IGFN1: variants seen among roughly 807,000 people sequenced by gnomAD.
IGFN1 encodes the protein immunoglobulin-like and fibronectin type III domain-containing protein 1.
In IGFN1, 253 loss-of-function variants were observed where a neutral mutation model predicts 289.5. The ratio of observed to expected loss-of-function variants is 0.87; its 90% CI spans 0.79 to 0.97. The LOEUF is 0.97. Ranked by LOEUF, IGFN1 falls within the 50% of genes least tolerant of loss-of-function variation. The probability of loss-of-function intolerance (pLI) is 0.00; values close to 1 mark genes in which losing one functional copy is unlikely to be tolerated. For synonymous variants in IGFN1, 1,706 were observed against 1,788.5 expected (o/e 0.95, Z 1.16); for missense variants, 4,470 against 4,686.1 (o/e 0.95, Z 1.35).
chr1:201,200,421 C>T lies in IGFN1; in HGVS notation c.633+10C>T. On this transcript the variant is annotated intron_variant, in intron 8 of 23. Transcript: ENST00000335211. ...GGACAAGATGGCACAGGTGCCTCACCCCATTCCCACCCCTCACTCCATGCC... is the reference window on the plus strand; with the variant it reads ...GGACAAGATGGCACAGGTGCCTCACTCCATTCCCACCCCTCACTCCATGCC... 6.5e-7 allele frequency: 1 copy of T among 1,547,728 alleles called. No homozygotes were observed. Among genetic ancestry groups the T allele is most frequent in the African/African-American group, 1.4e-5 (1 of 73,104 alleles).
chr1:201,228,533 C>T lies in IGFN1; in HGVS notation c.*134C>T, dbSNP rs151162050. ...AAAATGGGAGTGAGAAGATGCCTGG[C>T]GAGGTTTTGGCCAGGAGGACGTGAA... On this transcript the variant is annotated 3_prime_UTR_variant, in exon 24 of 24. Coordinates refer to ENST00000335211, the MANE Select transcript of IGFN1 (RefSeq NM_001164586.2). The T allele has an allele frequency of 2.2e-5, 22 of 1,008,702 alleles. No individual in the cohort carries two copies. The highest frequency in any genetic ancestry group is 6.5e-5 in the South Asian group (5 of 76,750). The allele number at this position is 1,008,702 out of a possible 1,614,324, so 62.5% of individuals were successfully genotyped here.
Position 201,228,653 on chromosome 1 carries a change from CACCATATGG to C in IGFN1, c.*255_*263del. ...AATGACAGCGAACCTCCTGGACCCT[CACCATATGG>C]GTTTCTTTCTTCTTCGCTTCAGGAG... On this transcript the variant is annotated 3_prime_UTR_variant, in exon 24 of 24. Coordinates refer to ENST00000335211, the MANE Select transcript of IGFN1 (RefSeq NM_001164586.2). 2 of 566,560 alleles carry C rather than the reference CACCATATGG, an allele frequency of 3.5e-6. No homozygotes were observed. Among genetic ancestry groups the C allele is most frequent in the Non-Finnish European group, 6.3e-6 (2 of 316,796 alleles). 35.1% of individuals were successfully genotyped at this position (566,560 alleles called of 1,614,324 possible). A position where few individuals can be genotyped will look rare whatever the true frequency, so the allele number is the denominator to read the frequency against.
At position 201,209,054 on chromosome 1, in the gene IGFN1, A is replaced by G. The variant is rs767088067; in HGVS notation, c.4161A>G (p.Gly1387=). The G allele has an allele frequency of 1.3e-4, 203 of 1,536,294 alleles. No individual in the cohort carries two copies. The highest frequency in any genetic ancestry group is 6.5e-5 in the Non-Finnish European group (75 of 1,146,770). The change falls in exon 12 of 24, where the codon GGA becomes GGG. Residue 1387 remains glycine (G), a synonymous_variant. Coordinates refer to ENST00000335211, the MANE Select transcript of IGFN1 (RefSeq NM_001164586.2). ...DNRKDLGVPE[G]MGAGYRAGLR... Reference sequence around the variant, plus strand: ...GGAAAGATTTGGGGGTTCCTGAGGGAATGGGTGCAGGTTACAGGGCTGGTT... The same window carrying G: ...GGAAAGATTTGGGGGTTCCTGAGGGGATGGGTGCAGGTTACAGGGCTGGTT...
chr1:201,212,758 G>T lies in IGFN1; in HGVS notation c.7865G>T (p.Ser2622Ile), dbSNP rs1357142251. Residue 2622 changes from serine (S) to isoleucine (I), a missense_variant, in exon 12 of 24, where the codon AGC becomes ATC. This residue lies in a region of IGFN1 where 2,218 missense variants were observed against 2,114.1 expected (regional missense o/e 1.05). Coordinates refer to ENST00000335211, the MANE Select transcript of IGFN1 (RefSeq NM_001164586.2). ...GGGCCTGCTGATAGACAAGGGACGA[G>T]CAATGCTTGGGCTCCTGATTGGGAA... The part of the protein sequence containing the change: ...TSGPADRQGT[S>I]NAWAPDWENQ... 3 of 1,551,584 alleles carry T rather than the reference G, an allele frequency of 1.9e-6. No homozygotes were observed. Among genetic ancestry groups the T allele is most frequent in the Admixed American group, 3.9e-5 (2 of 50,992 alleles).
intron 5 of IGFN1, among the ~76,000 whole-genome samples, chr1:201,197,824 G>C (rs1666983338): frequency 6.6e-6 from 1 of 152,194 alleles, no homozygotes; most frequent in Non-Finnish European, 1.5e-5. Flanking sequence ...AGCAGGTCTA[G>C]TCTCGCCATT....
Position 201,209,425 on chromosome 1 carries a change from C to A in IGFN1, c.4532C>A (p.Ala1511Glu), listed in dbSNP as rs1473688507. ...GAGGGAGGGGGTTCAGGGAGCAAAG[C>A]AGGTTATAGGGGTGGCTTAGGTTCT... ...VSEGGGSGSK[A>E]GYRGGLGSGE... Residue 1511 changes from alanine to glutamate, a missense_variant, in exon 12 of 24, where the codon GCA becomes GAA. By Grantham distance (107) the Ala-to-Glu change is moderately radical. This residue lies in a region of IGFN1 where 2,011 missense variants were observed against 1,953.4 expected (regional missense o/e 1.03). Transcript: ENST00000335211. 6.5e-7 allele frequency: 1 copy of A among 1,529,404 alleles called. No homozygotes were observed. Among genetic ancestry groups the A allele is most frequent in the East Asian group, 2.5e-5 (1 of 40,702 alleles). The allele number at this position is 1,529,404 out of a possible 1,614,324, so 94.7% of individuals were successfully genotyped here. A position where few individuals can be genotyped will look rare whatever the true frequency, so the allele number is the denominator to read the frequency against.
intron 18 of IGFN1, among the ~76,000 whole-genome samples, 173 bp from the exon 19 acceptor site, chr1:201,221,271 G>A (rs1481030779): frequency 2.6e-5 from 4 of 152,228 alleles, no homozygotes; most frequent in Non-Finnish European, 1.5e-5. Context: ...CGGAGACAAA[G>A]TGCTGGTTAC....
Position 201,206,955 on chromosome 1 carries a change from G to A in IGFN1, c.2062G>A (p.Val688Met), listed in dbSNP as rs1222040754. ...TGGAGGAAGAGGTTCTGGCTCCAAGGTGGGCATGGCCCCTGAATCCTGGGG... is the reference window on the plus strand; with the variant it reads ...TGGAGGAAGAGGTTCTGGCTCCAAGATGGGCATGGCCCCTGAATCCTGGGG... ...LTGGRGSGSK[V>M]GMAPESWGSQ... is the part of the protein sequence containing the mutation. Residue 688 changes from valine (V) to methionine (M), a missense_variant, in exon 12 of 24, where the codon GTG (valine) becomes ATG (methionine). Physicochemically the swap from Val to Met is conservative, Grantham distance 21 (BLOSUM62 1). Coordinates refer to ENST00000335211, the MANE Select transcript of IGFN1 (RefSeq NM_001164586.2). 3 of 1,536,324 alleles carry A rather than the reference G, an allele frequency of 2.0e-6. No individual in the cohort carries two copies. Among genetic ancestry groups the A allele is most frequent in the Admixed American group, 3.9e-5 (2 of 50,968 alleles).
chr1:201,202,751 C>CCCTTCCTT lies in IGFN1; in HGVS notation c.747+940_747+947dup, dbSNP rs1171116818. On this transcript the variant is annotated intron_variant, in intron 9 of 23. Coordinates refer to ENST00000335211, the MANE Select transcript of IGFN1 (RefSeq NM_001164586.2). ...TCCCTCCCTCCCTCCCTCCCTCCCT[C>CCCTTCCTT]CCTTCCTTCCTTCCTTCCTTCCTTC... 4.9e-3 allele frequency among the ~76,000 whole-genome samples: 190 copies of CCCTTCCTT among 38,976 alleles called. 2 individuals carry two copies. Among genetic ancestry groups the CCCTTCCTT allele is most frequent in the East Asian group, 0.021 (27 of 1,314 alleles). The allele number at this position is 38,976 out of a possible 152,430, so 25.6% of individuals were successfully genotyped here. A position where few individuals can be genotyped will look rare whatever the true frequency, so the allele number is the denominator to read the frequency against.
intron 18 of IGFN1, among the ~76,000 whole-genome samples, chr1:201,219,499 C>A (rs74885444): frequency 0.029 from 4,487 of 152,280 alleles, 226 homozygotes; most frequent in African/African-American, 0.1. Flanking sequence ...GGGAAAAAAA[C>A]CTGTCTAACC....
rs781553333 is a variant in IGFN1 at position 201,208,016 on chromosome 1, T to C, written c.3123T>C (p.Asn1041=). The change falls in exon 12 of 24, where the codon AAT becomes AAC. Residue 1041 remains asparagine, a synonymous_variant. Transcript: ENST00000335211. ...GGSGRVASLK[N]GSGGPDGAPM... The stretch of plus-strand genomic sequence containing the variant: ...CTGGGAGAGTTGCCAGTCTTAAAAA[T>C]GGCTCAGGTGGTCCTGATGGAGCAC... 22 of 1,536,720 alleles carry C rather than the reference T, an allele frequency of 1.4e-5. No individual in the cohort carries two copies. The highest frequency in any genetic ancestry group is 1.9e-5 in the Non-Finnish European group (22 of 1,146,844).
In IGFN1 at chr1:201,206,874, C is replaced by G. The variant is rs1003520482; in HGVS notation, c.1981C>G (p.Leu661Val). 1.3e-6 allele frequency: 2 copies of G among 1,535,990 alleles called. No individual in the cohort carries two copies. The highest frequency in any genetic ancestry group is 2.7e-5 in the African/African-American group (2 of 72,938). The change falls in exon 12 of 24, where the codon CTG becomes GTG. Residue 661 changes from leucine to valine, a missense_variant. This residue lies in a region of IGFN1 where 2,011 missense variants were observed against 1,953.4 expected (regional missense o/e 1.03). Transcript: ENST00000335211. ...GIVVWGGGTG[L>V]GEAGDSNGAG... ...AGTAGTGTGGGGTGGTGGGACTGGC[C>G]TGGGAGAAGCTGGAGACAGCAATGG... is the stretch of plus-strand genomic sequence containing the variant.
rs147277196 is a variant in IGFN1 at position 201,194,251 on chromosome 1, C to T, written c.105C>T (p.Pro35=). Residue 35 remains proline, a synonymous_variant, in exon 3 of 24, where the codon CCC becomes CCT. Coordinates refer to ENST00000335211, the MANE Select transcript of IGFN1 (RefSeq NM_001164586.2). Reference sequence around the variant, plus strand: ...GCACGCCGGACTTTGAGCAGAAGCCCGTCACCTCGGCTCTGCCAGAGGGTG... The same window carrying T: ...GCACGCCGGACTTTGAGCAGAAGCCTGTCACCTCGGCTCTGCCAGAGGGTG... ...GCSTPDFEQK[P]VTSALPEGKN... The T allele has an allele frequency of 8.4e-4, 1,301 of 1,551,492 alleles. 1 individual carries two copies. The highest frequency in any genetic ancestry group is 1.8e-3 in the Middle Eastern group (11 of 5,968).
At position 201,194,141 on chromosome 1, in the gene IGFN1, C is replaced by T; in HGVS notation, c.8-13C>T. On this transcript the variant is annotated splice_polypyrimidine_tract_variant and intron_variant, in intron 2 of 23. Transcript: ENST00000335211. ...GTGGAAGGCCCCATCTCCTTCCCTC[C>T]TGCATTCTCCAGGAAAGCTCCGGAA... 6.4e-7 allele frequency: 1 copy of T among 1,551,202 alleles called. No individual in the cohort carries two copies. Among genetic ancestry groups the T allele is most frequent in the Non-Finnish European group, 8.7e-7 (1 of 1,146,724 alleles).
chr1:201,222,672 G>C, intron 19 of IGFN1, 67 bp from the exon 20 acceptor site: 1 of 1,119,572 alleles, frequency 8.9e-7, no homozygotes, highest in Non-Finnish European at 1.3e-6. Flanking sequence ...CTACCTTGCT[G>C]GGGACCTGGG....
chr1:201,215,426 G>A (rs1558153571), intron 14 of IGFN1, 113 bp from the exon 15 acceptor site: 5 of 980,986 alleles, frequency 5.1e-6, no homozygotes, highest in Admixed American at 2.8e-5. Context: ...CTCATGTGGT[G>A]GGGCAGGGGA....
chr1:201,215,937 C>T (rs750840325), intron 15 of IGFN1, 99 bp downstream of exon 15: 3 of 1,162,132 alleles, frequency 2.6e-6, no homozygotes, highest in Admixed American at 3.9e-5. Context: ...TCTCTGCTGG[C>T]TCTGATCCTC....
At position 201,208,825 on chromosome 1, in the gene IGFN1, G is replaced by C; in HGVS notation, c.3932G>C (p.Gly1311Ala). The C allele has an allele frequency of 1.3e-6, 2 of 1,536,202 alleles. No homozygotes were observed. Among genetic ancestry groups the C allele is most frequent in the Non-Finnish European group, 1.7e-6 (2 of 1,146,570 alleles). The change falls in exon 12 of 24, where the codon GGG (glycine) becomes GCG (alanine). Residue 1311 changes from glycine (G) to alanine (A), a missense_variant. This residue lies in a region of IGFN1 where 2,011 missense variants were observed against 1,953.4 expected (regional missense o/e 1.03). Coordinates refer to ENST00000335211, the MANE Select transcript of IGFN1 (RefSeq NM_001164586.2). ...GSKADYRDGVGGSGAMGSMDE... is the reference protein window; with the variant it reads ...GSKADYRDGVAGSGAMGSMDE... Reference sequence around the variant, plus strand: ...AAGGCAGATTATAGGGATGGTGTAGGGGGTTCTGGGGCAATGGGGTCAATG... The same window carrying C: ...AAGGCAGATTATAGGGATGGTGTAGCGGGTTCTGGGGCAATGGGGTCAATG...
chr1:201,223,586 GCC>G (rs1653891968), intron 20 of IGFN1, among the ~76,000 whole-genome samples: 1 of 152,176 alleles, frequency 6.6e-6, no homozygotes, highest in Non-Finnish European at 1.5e-5. Flanking sequence ...GGCCAGGCTG[GCC>G]TCTCAAACTC....
Sources: allele counts gnomAD v4.1 joint callset (sites outside exome capture counted in the v4.1 genomes callset), GRCh38; gene constraint gnomAD v4.1.1; regional missense constraint gnomAD v4.1.1; transcripts MANE v1.5; gene names NCBI Gene and HGNC (gene_info 2026-07-23, HGNC 2026-07-21).